The following SLC4A4 variants were observed in gnomAD, a reference collection of about 807,000 sequenced individuals.
SLC4A4 encodes the protein solute carrier family 4 member 4.
A neutral mutation model predicts 111.5 loss-of-function variants in SLC4A4; 27 were observed. The ratio of observed to expected loss-of-function variants is 0.24; its 90% CI spans 0.18 to 0.33. The LOEUF (loss-of-function observed/expected upper bound fraction) is 0.33. SLC4A4 is among the 10% of genes least tolerant of loss of function. The pLI, the probability that SLC4A4 is intolerant of heterozygous loss-of-function variation, is 1.00. For synonymous variants in SLC4A4, 443 were observed against 463.4 expected (o/e 0.96, Z 0.57); for missense variants, 909 against 1,315.5 (o/e 0.69, Z 4.78).
chr4:71,444,789 T>C (rs1029555676), intron 8 of SLC4A4, among the ~76,000 whole-genome samples: 2 of 152,234 alleles, frequency 1.3e-5, no homozygotes, highest in African/African-American at 4.8e-5. Flanking sequence ...ATTTCAATAA[T>C]GCAGTCCAGA....
chr4:71,204,295 T>C (rs899046358), intron 1 of SLC4A4, among the ~76,000 whole-genome samples: 8 of 152,164 alleles, frequency 5.3e-5, no homozygotes, highest in Non-Finnish European at 1.2e-4. Context: ...ACAACCCCCA[T>C]GTGGGCGTAG....
In SLC4A4 at chr4:71,119,906, A is replaced by G. The variant is rs562800029; in HGVS notation, c.-2+27114A>G. 9.2e-5 allele frequency among the ~76,000 whole-genome samples: 14 copies of G among 152,326 alleles called. No individual in the cohort carries two copies. In the South Asian group the frequency reaches 2.9e-3, roughly 32 times the overall value. On this transcript the variant is annotated intron_variant, in intron 2 of 26. Transcript: ENST00000649996. ...TGTCTTCAGTCATGTCTAATCTGCT[A>G]TTAAACTGGTTTGTTGAGCTTTCCA... is the stretch of plus-strand genomic sequence containing the variant.
At chr4:71,345,320 G>A (rs948316991) in intron 4 of SLC4A4, among the ~76,000 whole-genome samples, 10 of 151,660 alleles carry the variant, frequency 6.6e-5, no homozygotes, top group Admixed American at 2.6e-4. Context: ...TTTTTTCCCT[G>A]CCCAAATTCT....
intron 3 of SLC4A4, among the ~76,000 whole-genome samples, chr4:71,270,386 G>A (rs2602097): frequency 0.042 from 6,419 of 152,220 alleles, 202 homozygotes; most frequent in Middle Eastern, 0.11. Flanking sequence ...CACCGTGCCC[G>A]GCAGAACCTG....
intron 16 of SLC4A4, among the ~76,000 whole-genome samples, chr4:71,521,712 T>C (rs1732951956): frequency 6.6e-6 from 1 of 152,158 alleles, no homozygotes; most frequent in Non-Finnish European, 1.5e-5. Context: ...GGGGAGCCCA[T>C]AGTCGACCAC....
At chr4:71,131,109 T>C (rs533353029) in intron 2 of SLC4A4, among the ~76,000 whole-genome samples, 2 of 152,206 alleles carry the variant, frequency 1.3e-5, no homozygotes, top group African/African-American at 2.4e-5. Context: ...TTTTCTGCCT[T>C]ATTCATCATG....
At chr4:71,068,896 A>G (rs1284096477) in intron 1 of SLC4A4, among the ~76,000 whole-genome samples, 2 of 152,186 alleles carry the variant, frequency 1.3e-5, no homozygotes, top group African/African-American at 4.8e-5. Context: ...TGCTTTTTAC[A>G]TAAAACATCA....
chr4:71,122,690 AAG>A (rs905680173), intron 2 of SLC4A4, among the ~76,000 whole-genome samples: 1 of 152,154 alleles, frequency 6.6e-6, no homozygotes, highest in African/African-American at 2.4e-5. Flanking sequence ...TTTTACTCTG[AAG>A]AAATTGAACT....
At chr4:71,436,719 G>T (rs1201581724) in intron 7 of SLC4A4, among the ~76,000 whole-genome samples, 3 of 152,140 alleles carry the variant, frequency 2.0e-5, no homozygotes, top group Non-Finnish European at 4.4e-5. Context: ...TCATTTAATT[G>T]CTTAATGACT....
chr4:71,100,280 A>G (rs1742685397), intron 2 of SLC4A4, among the ~76,000 whole-genome samples: 1 of 152,322 alleles, frequency 6.6e-6, no homozygotes, highest in South Asian at 2.1e-4. Flanking sequence ...CATACCCAGG[A>G]TGCAAGATTG....
chr4:71,166,771 G>A (rs1009723917), intron 2 of SLC4A4, among the ~76,000 whole-genome samples: 3 of 152,164 alleles, frequency 2.0e-5, no homozygotes, highest in Non-Finnish European at 4.4e-5. Flanking sequence ...TTCCTTGTCT[G>A]TCTCATAGTT....
At chr4:71,537,830 C>A (rs1644419897) in intron 18 of SLC4A4, among the ~76,000 whole-genome samples, 5 of 152,014 alleles carry the variant, frequency 3.3e-5, no homozygotes. Context: ...CCCAAGAGTT[C>A]AGATGGTCAT....
At chr4:71,232,690 G>C (rs1719516598) in intron 1 of SLC4A4, among the ~76,000 whole-genome samples, 1 of 152,188 alleles carries the variant, frequency 6.6e-6, no homozygotes, top group Non-Finnish European at 1.5e-5. Flanking sequence ...GAGATTACAG[G>C]CTGAGCCACT....
chr4:71,287,387 C>T (rs1189050493), intron 3 of SLC4A4, among the ~76,000 whole-genome samples: 1 of 152,240 alleles, frequency 6.6e-6, no homozygotes, highest in African/African-American at 2.4e-5. Context: ...AAGTTGTGAT[C>T]TGCATACATT....
At chr4:71,106,302 G>A (rs1414108583) in intron 2 of SLC4A4, among the ~76,000 whole-genome samples, 2 of 150,344 alleles carry the variant, frequency 1.3e-5, no homozygotes, top group Admixed American at 6.6e-5. Context: ...TGGAGAAATA[G>A]GAACACTTTT....
At chr4:71,374,859 G>A (rs942595596) in intron 6 of SLC4A4, among the ~76,000 whole-genome samples, 1 of 151,880 alleles carries the variant, frequency 6.6e-6, no homozygotes, top group African/African-American at 2.4e-5. Context: ...GGTGATATGT[G>A]TGATATATTT....
At chr4:71,533,051 T>A (rs1054131396) in intron 17 of SLC4A4, among the ~76,000 whole-genome samples, 1 of 152,108 alleles carries the variant, frequency 6.6e-6, no homozygotes, top group Admixed American at 6.6e-5. Context: ...TCTAGAATAA[T>A]CCTCCTTCCC....
chr4:71,283,201 C>T (rs142175663), intron 3 of SLC4A4, among the ~76,000 whole-genome samples: 76 of 152,282 alleles, frequency 5.0e-4, no homozygotes, highest in African/African-American at 1.8e-3. Flanking sequence ...ACCTTCATTC[C>T]GCTATCTCCC....
At chr4:71,332,253 A>G (rs1728059692) in intron 3 of SLC4A4, among the ~76,000 whole-genome samples, 1 of 151,920 alleles carries the variant, frequency 6.6e-6, no homozygotes, top group Admixed American at 6.6e-5. Flanking sequence ...GTTCTTTAAG[A>G]TGCATTGTTC....
Sources: gnomAD v4.1 joint callset for allele counts (sites outside exome capture counted in the v4.1 genomes callset) on GRCh38, gnomAD v4.1.1 for gene constraint, MANE v1.5 for transcripts, NCBI Gene and HGNC (gene_info 2026-07-23, HGNC 2026-07-21) for gene names.